Variants in RAD50 observed in about 807,000 individuals in gnomAD.
RAD50 encodes DNA repair protein RAD50.
RAD50 carries 132 observed loss-of-function variants against 168.8 expected under a neutral mutation model. The ratio of observed to expected loss-of-function variants is 0.78; its 90% CI spans 0.68 to 0.90. The LOEUF is 0.90. Among genes scored for constraint, RAD50 ranks in the 40% least tolerant of loss-of-function variants. The pLI is 0.00. For synonymous variants in RAD50, 525 were observed against 497.4 expected (o/e 1.06, Z -0.74); for missense variants, 1,347 against 1,534.4 (o/e 0.88, Z 2.04).
At chr5:132,611,519 C>G (rs562974344) in intron 19 of RAD50, among the ~76,000 whole-genome samples, 40 of 151,756 alleles carry the variant, frequency 2.6e-4, no homozygotes, top group African/African-American at 9.4e-4. Context: ...TCCTGGCTAA[C>G]ACGCCGAAAC....
At chr5:132,571,496 T>TA (rs1251151003) in intron 2 of RAD50, among the ~76,000 whole-genome samples, 1 of 152,186 alleles carries the variant, frequency 6.6e-6, no homozygotes, top group African/African-American at 2.4e-5. Context: ...AGCTAGGAGA[T>TA]ACACCTTTAT....
intron 9 of RAD50, 52 bp downstream of exon 9, chr5:132,589,889 A>C (rs1188423863): frequency 6.8e-7 from 1 of 1,480,310 alleles, no homozygotes; most frequent in Non-Finnish European, 9.3e-7. Flanking sequence ...TACTTTTAGA[A>C]GTATTTTGTC....
intron 3 of RAD50, among the ~76,000 whole-genome samples, chr5:132,578,266 A>C (rs1257236610): frequency 1.3e-5 from 2 of 152,224 alleles, no homozygotes; most frequent in Non-Finnish European, 2.9e-5. Flanking sequence ...TGATACCACT[A>C]TCCGTCCAGT....
At chr5:132,620,843 C>T (rs750910113) in intron 21 of RAD50, among the ~76,000 whole-genome samples, 1 of 152,126 alleles carries the variant, frequency 6.6e-6, no homozygotes, top group Non-Finnish European at 1.5e-5. Context: ...AGTATTCTTT[C>T]ACAATAAAGT....
In RAD50 at chr5:132,559,383, C is replaced by T. The variant is rs751522643; in HGVS notation, c.213+16C>T. 6 of 1,594,546 alleles carry T rather than the reference C, an allele frequency of 3.8e-6. No homozygotes were observed. The highest frequency in any genetic ancestry group is 1.7e-5 in the Admixed American group (1 of 58,808). ...CGATCCCAAGGTAATGGTGCTAGTA[C>T]AATTTTGTATTTTTATAATTATAAA... On this transcript the variant is annotated intron_variant, in intron 2 of 24. Transcript: ENST00000378823.
chr5:132,595,939 TATG>T (rs1463171125), intron 13 of RAD50, 129 bp downstream of exon 13: 1 of 803,422 alleles, frequency 1.2e-6, no homozygotes. Flanking sequence ...ATATCACTTC[TATG>T]ATAAGAAGAT....
chr5:132,638,605 G>A (rs1751646100), intron 23 of RAD50, among the ~76,000 whole-genome samples: 1 of 152,164 alleles, frequency 6.6e-6, no homozygotes, highest in South Asian at 2.1e-4. Flanking sequence ...ACCATAAGAT[G>A]TTTCAGAATC....
chr5:132,635,300 CA>C (rs987183680), intron 21 of RAD50, among the ~76,000 whole-genome samples: 1 of 152,206 alleles, frequency 6.6e-6, no homozygotes, highest in African/African-American at 2.4e-5. Flanking sequence ...TTTTGTCTCG[CA>C]TATGGTAAAT....
At position 132,619,885 on chromosome 5, in the gene RAD50, T is replaced by TATATATATAGAG. The variant is rs1554099997; in HGVS notation, c.3389+1592_3389+1593insTATATATAGAGA. Reference sequence around the variant, plus strand: ...ATATATATAAAGATATATATATATATAGAGAGAGAGAGAGAGAGATATATC... The same window carrying TATATATATAGAG: ...ATATATATAAAGATATATATATATATATATATATAGAGAGAGAGAGAGAGAGAGAGATATATC... On this transcript the variant is annotated intron_variant, in intron 21 of 24. Transcript: ENST00000378823. Among the ~76,000 whole-genome samples the TATATATATAGAG allele has an allele frequency of 6.3e-4, 76 of 121,224 alleles. 1 individual carries two copies. The highest frequency in any genetic ancestry group is 2.7e-3 in the East Asian group (10 of 3,722). The allele number at this position is 121,224 out of a possible 152,430, so 79.5% of individuals were successfully genotyped here.
intron 12 of RAD50, 173 bp from the exon 13 acceptor site, chr5:132,595,400 T>C (rs1750771542): frequency 2.0e-5 from 10 of 504,662 alleles, no homozygotes; most frequent in Admixed American, 7.4e-5. Context: ...GAATGTATCA[T>C]GCTCTTTGGA....
At chr5:132,615,767 A>C (rs1751163715) in intron 19 of RAD50, among the ~76,000 whole-genome samples, 1 of 152,222 alleles carries the variant, frequency 6.6e-6, no homozygotes, top group Non-Finnish European at 1.5e-5. Flanking sequence ...ATGGTTGTGA[A>C]AGAGCAGTAA....
chr5:132,588,213 T>C (rs1750631717), intron 7 of RAD50, 124 bp downstream of exon 7: 5 of 1,118,346 alleles, frequency 4.5e-6, no homozygotes, highest in Admixed American at 2.5e-5. Context: ...ATACACAGTA[T>C]GTTTCCATTT....
intron 5 of RAD50, among the ~76,000 whole-genome samples, chr5:132,581,666 A>G (rs1244905024): frequency 1.3e-5 from 2 of 152,162 alleles, no homozygotes; most frequent in Non-Finnish European, 2.9e-5. Flanking sequence ...TTATGAGAGG[A>G]AGAGTCTGGG....
intron 3 of RAD50, among the ~76,000 whole-genome samples, chr5:132,577,113 C>T (rs1272536436): frequency 6.6e-6 from 1 of 152,186 alleles, no homozygotes; most frequent in South Asian, 2.1e-4. Flanking sequence ...AGTAGGGTTA[C>T]GTTCCTTTCT....
chr5:132,643,057 C>G lies in RAD50; in HGVS notation c.*693C>G, dbSNP rs1751768823. On this transcript the variant is annotated 3_prime_UTR_variant, in exon 25 of 25. Coordinates refer to ENST00000378823, the MANE Select transcript of RAD50 (RefSeq NM_005732.4). Reference sequence around the variant, plus strand: ...TACAGAGAGGAAATTCTCCACTGTGCACACCCACCTTTGGAAAGCTCTGAC... The same window carrying G: ...TACAGAGAGGAAATTCTCCACTGTGGACACCCACCTTTGGAAAGCTCTGAC... 1 of 529,772 alleles carries G rather than the reference C, an allele frequency of 1.9e-6. No individual in the cohort carries two copies. The highest frequency in any genetic ancestry group is 1.9e-5 in the African/African-American group (1 of 52,752). The allele number at this position is 529,772 out of a possible 1,614,324, so 32.8% of individuals were successfully genotyped here.
chr5:132,598,020 T>C (rs1750820714), intron 13 of RAD50, among the ~76,000 whole-genome samples: 1 of 152,030 alleles, frequency 6.6e-6, no homozygotes, highest in South Asian at 2.1e-4. Context: ...TAACATCGTA[T>C]TATATTTTAG....
chr5:132,646,059 G>C lies in RAD50; in HGVS notation c.*3695G>C, dbSNP rs532773373. On this transcript the variant is annotated 3_prime_UTR_variant, in exon 25 of 25. Transcript: ENST00000378823. ...TTTGTGCCACTGCACCCCAGCCTGGGTGGGTGGCAGAGTGAGACCCTGTCT... is the reference window on the plus strand; with the variant it reads ...TTTGTGCCACTGCACCCCAGCCTGGCTGGGTGGCAGAGTGAGACCCTGTCT... 2.0e-5 allele frequency: 3 copies of C among 146,648 alleles called. No homozygotes were observed. Among genetic ancestry groups the C allele is most frequent in the Non-Finnish European group, 4.5e-5 (3 of 67,344 alleles). The allele number at this position is 146,648 out of a possible 1,614,324, so 9.1% of individuals were successfully genotyped here.
chr5:132,589,942 A>C, intron 9 of RAD50, 105 bp downstream of exon 9: 1 of 1,060,210 alleles, frequency 9.4e-7, no homozygotes, highest in Admixed American at 2.4e-5. Flanking sequence ...AAAAACATCA[A>C]CTTTGTCTTA....
intron 2 of RAD50, among the ~76,000 whole-genome samples, chr5:132,566,669 T>C (rs934362192): frequency 3.9e-5 from 6 of 152,210 alleles, no homozygotes; most frequent in African/African-American, 1.4e-4. Context: ...AAAATGCATA[T>C]CTACTTCATG....
Sources: allele counts gnomAD v4.1 joint callset (sites outside exome capture counted in the v4.1 genomes callset), GRCh38; gene constraint gnomAD v4.1.1; transcripts MANE v1.5; gene names NCBI Gene and HGNC (gene_info 2026-07-23, HGNC 2026-07-21).